The following NAV2 variants were observed in gnomAD, a reference collection of about 807,000 sequenced individuals.
NAV2 encodes the protein neuron navigator 2, also known as helicase, APC down-regulated 1.
Under a neutral mutation model 223.2 loss-of-function variants are expected in NAV2, and 54 were observed. That is an observed-to-expected ratio of 0.24 (90% confidence interval 0.19 to 0.30). The LOEUF (loss-of-function observed/expected upper bound fraction) is 0.30. Ranked by LOEUF, NAV2 falls within the 10% of genes least tolerant of loss-of-function variation. The pLI is 1.00. For synonymous variants in NAV2, 1,279 were observed against 1,239.3 expected, an observed-to-expected ratio of 1.03 and a Z score of -0.67; for missense variants, 2,806 against 3,147.5, an observed-to-expected ratio of 0.89 and a Z score of 2.60.
At chr11:19,761,110 A>G (rs2054702231) in intron 1 of NAV2, among the ~76,000 whole-genome samples, 1 of 152,186 alleles carries the variant, frequency 6.6e-6, no homozygotes, top group African/African-American at 2.4e-5. Context: ...CACAGGGATC[A>G]CTCAGACCAG....
chr11:20,090,756 G>A (rs895519352), intron 26 of NAV2, 109 bp from the exon 27 acceptor site: 17 of 1,144,066 alleles, frequency 1.5e-5, no homozygotes, highest in Middle Eastern at 2.0e-4. Flanking sequence ...GCACCAGGCA[G>A]CTGGTTATTC....
intron 1 of NAV2, among the ~76,000 whole-genome samples, chr11:19,664,721 A>G (rs528102909): frequency 2.0e-5 from 3 of 152,324 alleles, no homozygotes; most frequent in African/African-American, 7.2e-5. Flanking sequence ...CCCATTAGCT[A>G]TACCTTGAGG....
chr11:19,345,254 G>C, the NAV2 span, among the ~76,000 whole-genome samples: 2 of 152,234 alleles, frequency 1.3e-5, no homozygotes, highest in Admixed American at 6.5e-5. The surrounding 1 kb of genome is among the most constrained non-coding windows in gnomAD (Gnocchi z 5.2). Flanking sequence ...AGCGCGGGCC[G>C]GAGTGCAGTG....
At chr11:19,606,966 G>A (rs2046489104) in intron 1 of NAV2, among the ~76,000 whole-genome samples, 1 of 152,198 alleles carries the variant, frequency 6.6e-6, no homozygotes. Flanking sequence ...CCAACACTTT[G>A]AAGTTGGAGA....
intron 11 of NAV2, among the ~76,000 whole-genome samples, chr11:20,003,217 C>T (rs1348008553): frequency 6.6e-6 from 1 of 152,208 alleles, no homozygotes; most frequent in African/African-American, 2.4e-5. Flanking sequence ...GTGCTAGGTG[C>T]TCTAAACATG....
chr11:20,090,726 G>T, intron 26 of NAV2, 139 bp from the exon 27 acceptor site: 2 of 752,372 alleles, frequency 2.7e-6, no homozygotes, highest in Non-Finnish European at 4.1e-6. Context: ...AGGTGCTTTT[G>T]GCATTGTCAC....
In NAV2 at chr11:19,984,174, C is replaced by T. The variant is rs981659144; in HGVS notation, c.2695C>T (p.Leu899Phe). 3.1e-6 allele frequency: 5 copies of T among 1,614,180 alleles called. No homozygotes were observed. The highest frequency in any genetic ancestry group is 4.2e-6 in the Non-Finnish European group (5 of 1,180,020). The change falls in exon 11 of 38, where the codon CTC (leucine) becomes TTC (phenylalanine). Residue 899 changes from leucine (L) to phenylalanine (F), a missense_variant. By Grantham distance (22) the Leu-to-Phe change is conservative. This residue lies in a region of NAV2 where 1,167 missense variants were observed against 1,180.5 expected (regional missense o/e 0.99). Coordinates refer to ENST00000349880, the MANE Select transcript of NAV2 (RefSeq NM_145117.5). ...LGLYTRRLNR[L>F]PDGMAVVRET... ...CCTCTATACCCGTCGCCTGAACCGG[C>T]TCCCTGATGGGATGGCTGTGGTACG...
intron 12 of NAV2, among the ~76,000 whole-genome samples, chr11:20,041,697 C>T (rs974670557): frequency 1.3e-4 from 20 of 152,286 alleles, no homozygotes; most frequent in Admixed American, 4.6e-4. Context: ...TTTCCTGGCA[C>T]GTAGTGGCAC....
chr11:20,106,175 A>ATATATATATGTGTGTGTGTGTGTGTGTG lies in NAV2; in HGVS notation c.6841+449_6841+450insATATATATGTGTGTGTGTGTGTGTGTGT, dbSNP rs11267537. ...TGTGTGTATATATATATATATATAT[A>ATATATATATGTGTGTGTGTGTGTGTGTG]TGTGTGTGTATATATATATATATAT... On this transcript the variant is annotated intron_variant, in intron 35 of 37. Coordinates refer to ENST00000349880, the MANE Select transcript of NAV2 (RefSeq NM_145117.5). Among the ~76,000 whole-genome samples the ATATATATATGTGTGTGTGTGTGTGTGTG allele has an allele frequency of 3.9e-4, 14 of 35,816 alleles. 3 individuals are homozygous for ATATATATATGTGTGTGTGTGTGTGTGTG. Among genetic ancestry groups the ATATATATATGTGTGTGTGTGTGTGTGTG allele is most frequent in the African/African-American group, 5.9e-4 (6 of 10,092 alleles). The allele number at this position is 35,816 out of a possible 152,430, so 23.5% of individuals were successfully genotyped here. A position where few individuals can be genotyped will look rare whatever the true frequency, so the allele number is the denominator to read the frequency against.
At chr11:19,367,172 C>T (rs955731174) in intron 1 of NAV2, among the ~76,000 whole-genome samples, 1 of 152,196 alleles carries the variant, frequency 6.6e-6, no homozygotes, top group Non-Finnish European at 1.5e-5. Context: ...ATTTGATTCA[C>T]GGTTCCCTCT....
At chr11:19,445,418 G>A (rs530963417) in intron 1 of NAV2, among the ~76,000 whole-genome samples, 4 of 152,182 alleles carry the variant, frequency 2.6e-5, no homozygotes, top group Non-Finnish European at 5.9e-5. Flanking sequence ...CATGGGACTA[G>A]GCACTTTATT....
chr11:19,472,967 C>T (rs559705390), intron 1 of NAV2, among the ~76,000 whole-genome samples: 2 of 152,318 alleles, frequency 1.3e-5, no homozygotes, highest in East Asian at 3.9e-4. Flanking sequence ...TGCAGGCCAG[C>T]AAGCACCATT....
chr11:19,421,374 G>C (rs1385584690), intron 1 of NAV2, among the ~76,000 whole-genome samples: 1 of 152,146 alleles, frequency 6.6e-6, no homozygotes, highest in Non-Finnish European at 1.5e-5. Context: ...GCTCACATGT[G>C]TCCATGCTGG....
chr11:19,641,817 T>C (rs2047675692), intron 1 of NAV2, among the ~76,000 whole-genome samples: 1 of 152,138 alleles, frequency 6.6e-6, no homozygotes, highest in South Asian at 2.1e-4. Context: ...CTATGGCTTC[T>C]ACCCACTCTC....
intron 1 of NAV2, among the ~76,000 whole-genome samples, chr11:19,514,501 G>A (rs56274105): frequency 0.3 from 46,249 of 151,924 alleles, 8,159 homozygotes; most frequent in South Asian, 0.4. Context: ...TGGAAGCTGC[G>A]GAAATGACCA....
At chr11:20,090,732 G>A in intron 26 of NAV2, 133 bp from the exon 27 acceptor site, 1 of 840,800 alleles carries the variant, frequency 1.2e-6, no homozygotes, top group African/African-American at 1.7e-5. Context: ...TTTTGGCATT[G>A]TCACCCACAG....
At chr11:19,665,784 C>A (rs962092687) in intron 1 of NAV2, among the ~76,000 whole-genome samples, 1 of 152,166 alleles carries the variant, frequency 6.6e-6, no homozygotes, top group Non-Finnish European at 1.5e-5. Flanking sequence ...GTTCTTATCA[C>A]TCTTCTTATA....
Position 19,931,978 on chromosome 11 carries a change from A to T in NAV2, c.932-1198A>T, listed in dbSNP as rs116661278. Among the ~76,000 whole-genome samples the T allele has an allele frequency of 3.4e-3, 521 of 152,264 alleles. 1 individual carries two copies. Among genetic ancestry groups the T allele is most frequent in the African/African-American group, 0.012 (501 of 41,558 alleles). On this transcript the variant is annotated intron_variant, in intron 6 of 37. Transcript: ENST00000349880. ...CCTTCCTTGAGAGATAGGCTGCATC[A>T]TCCGGGGCACTGACTGAAGCAGGGT...
At chr11:19,868,193 TG>T (rs2062215719) in intron 3 of NAV2, among the ~76,000 whole-genome samples, 1 of 152,232 alleles carries the variant, frequency 6.6e-6, no homozygotes, top group African/African-American at 2.4e-5. Context: ...CTTTTACTTA[TG>T]GTACCCGTTG....
Sources: gnomAD v4.1 joint callset for allele counts (sites outside exome capture counted in the v4.1 genomes callset) on GRCh38, gnomAD v4.1.1 for gene constraint, gnomAD v4.1.1 regional missense constraint, Gnocchi (gnomAD v3.1) non-coding constraint, MANE v1.5 for transcripts, NCBI Gene and HGNC (gene_info 2026-07-23, HGNC 2026-07-21) for gene names.